CACNA2D2: variants seen among roughly 807,000 people sequenced by gnomAD.
The protein encoded by CACNA2D2 is voltage-dependent calcium channel subunit alpha-2/delta-2.
In CACNA2D2, 48 loss-of-function variants were observed where a neutral mutation model predicts 166.4. That is an observed-to-expected ratio of 0.29 (90% confidence interval 0.23 to 0.37). CACNA2D2 has a LOEUF of 0.37. Ranked by LOEUF, CACNA2D2 falls within the 10% of genes least tolerant of loss-of-function variation. The probability of loss-of-function intolerance (pLI) is 1.00; values close to 1 mark genes in which losing one functional copy is unlikely to be tolerated. For missense variants in CACNA2D2, 1,122 were observed against 1,433.0 expected, an observed-to-expected ratio of 0.78 and a Z score of 3.50; for synonymous variants, 561 against 573.7, an observed-to-expected ratio of 0.98 and a Z score of 0.32.
intron 2 of CACNA2D2, among the ~76,000 whole-genome samples, chr3:50,457,067 T>C (rs1181281771): frequency 1.3e-5 from 2 of 152,182 alleles, no homozygotes; most frequent in African/African-American, 2.4e-5. Context: ...TTGGCTAACA[T>C]GGTGAAACCC....
chr3:50,463,116 C>T (rs542301297), intron 2 of CACNA2D2, among the ~76,000 whole-genome samples: 1 of 152,254 alleles, frequency 6.6e-6, no homozygotes, highest in East Asian at 1.9e-4. Flanking sequence ...GGTACACAGA[C>T]CAGGCTCCTT....
At chr3:50,445,575 A>G (rs561121530) in intron 2 of CACNA2D2, among the ~76,000 whole-genome samples, 1 of 152,308 alleles carries the variant, frequency 6.6e-6, no homozygotes, top group South Asian at 2.1e-4. Context: ...CTTCTGTAGA[A>G]CAAGTCGGAA....
chr3:50,466,741 AC>A (rs1482281618), intron 2 of CACNA2D2, among the ~76,000 whole-genome samples: 1 of 152,034 alleles, frequency 6.6e-6, no homozygotes, highest in African/African-American at 2.4e-5. Flanking sequence ...TCCCAGTCTG[AC>A]CGCCTGCACT....
At chr3:50,455,699 G>A (rs528292376) in intron 2 of CACNA2D2, among the ~76,000 whole-genome samples, 1 of 152,130 alleles carries the variant, frequency 6.6e-6, no homozygotes, top group African/African-American at 2.4e-5. Context: ...GCCCCCAGAT[G>A]GTGACACCCC....
At chr3:50,472,399 AG>A (rs1489927115) in intron 2 of CACNA2D2, among the ~76,000 whole-genome samples, 1 of 152,118 alleles carries the variant, frequency 6.6e-6, no homozygotes, top group African/African-American at 2.4e-5. Flanking sequence ...GCCTTCCCAG[AG>A]GGTAGCCTGT....
intron 1 of CACNA2D2, among the ~76,000 whole-genome samples, chr3:50,499,427 G>A (rs1698862075): frequency 6.6e-6 from 1 of 152,196 alleles, no homozygotes; most frequent in Non-Finnish European, 1.5e-5. Flanking sequence ...AGCCCTCCCT[G>A]CCCACTAGAG....
At chr3:50,478,947 T>C (rs150713763) in intron 1 of CACNA2D2, among the ~76,000 whole-genome samples, 1 of 152,232 alleles carries the variant, frequency 6.6e-6, no homozygotes, top group Non-Finnish European at 1.5e-5. Context: ...TCTTCTAGTA[T>C]GTCTATAGGT....
intron 2 of CACNA2D2, 29 bp downstream of exon 2, chr3:50,476,089 G>A: frequency 2.6e-6 from 4 of 1,552,704 alleles, no homozygotes; most frequent in Non-Finnish European, 3.5e-6. Context: ...GAGGGTCCCT[G>A]AAGAGACAGC....
At position 50,375,952 on chromosome 3, in the gene CACNA2D2, C is replaced by T; in HGVS notation, c.1773+11G>A. On this transcript the variant is annotated intron_variant, in intron 19 of 37. Coordinates refer to ENST00000424201, the MANE Select transcript of CACNA2D2 (RefSeq NM_006030.4). The surrounding 1 kb of genome is among the most constrained non-coding windows in gnomAD (Gnocchi z 4.0). ...CTCTGTCCCCCACCCCTGTTCTCCT[C>T]CTCTCCTTACCTCTTCCTTGTTCTC... 6.2e-7 allele frequency: 1 copy of T among 1,613,210 alleles called. No individual in the cohort carries two copies.
intron 1 of CACNA2D2, among the ~76,000 whole-genome samples, chr3:50,484,626 C>T (rs573073875): frequency 5.9e-5 from 9 of 152,328 alleles, no homozygotes; most frequent in South Asian, 2.1e-4. Context: ...TCACCTGCTC[C>T]GTGAAGACCT....
At position 50,379,349 on chromosome 3, in the gene CACNA2D2, GCCAT is replaced by G. The variant is rs1705175744; in HGVS notation, c.1152+79_1152+82del. On this transcript the variant is annotated intron_variant, in intron 11 of 37. Coordinates refer to ENST00000424201, the MANE Select transcript of CACNA2D2 (RefSeq NM_006030.4). The surrounding 1 kb of genome is among the most constrained non-coding windows in gnomAD (Gnocchi z 6.5). ...AAGCTGCCTGTTTGGTGCTAACGAG[GCCAT>G]CCGTCTTGATTTCCTGGGTACACCA... 1.9e-6 allele frequency: 3 copies of G among 1,540,176 alleles called. No homozygotes were observed. The highest frequency in any genetic ancestry group is 1.8e-5 in the Admixed American group (1 of 56,468).
At chr3:50,491,048 G>A (rs899210771) in intron 1 of CACNA2D2, among the ~76,000 whole-genome samples, 4 of 152,206 alleles carry the variant, frequency 2.6e-5, no homozygotes, top group East Asian at 3.9e-4. Context: ...AGTGCTTGCA[G>A]GTGCTTGTTA....
At chr3:50,381,479 C>CT (rs1424801797) in intron 6 of CACNA2D2, among the ~76,000 whole-genome samples, 4 of 152,128 alleles carry the variant, frequency 2.6e-5, no homozygotes, top group Non-Finnish European at 1.5e-5. Flanking sequence ...GGAGCTAGCA[C>CT]TGGTCCCCCA....
intron 6 of CACNA2D2, among the ~76,000 whole-genome samples, chr3:50,382,197 G>A (rs1056979238): frequency 3.9e-5 from 6 of 152,052 alleles, no homozygotes; most frequent in Non-Finnish European, 5.9e-5. Flanking sequence ...AGGACAAAAC[G>A]GCAGGAGTGG....
intron 2 of CACNA2D2, among the ~76,000 whole-genome samples, chr3:50,471,963 G>A (rs1019224037): frequency 3.9e-5 from 6 of 152,232 alleles, no homozygotes; most frequent in East Asian, 1.9e-4. Context: ...CACAGACACC[G>A]TTGATCTGAA....
rs1249360884 is a variant in CACNA2D2 at position 50,373,625 on chromosome 3, G to T, written c.1984+1112C>A. Among the ~76,000 whole-genome samples, 11 of 114,358 alleles carry T rather than the reference G, an allele frequency of 9.6e-5. 1 individual carries two copies. The highest frequency in any genetic ancestry group is 4.4e-3 in the Middle Eastern group (1 of 228). 75.0% of individuals were successfully genotyped at this position (114,358 alleles called of 152,430 possible). A position where few individuals can be genotyped will look rare whatever the true frequency, so the allele number is the denominator to read the frequency against. The stretch of plus-strand genomic sequence containing the variant: ...GTGGGGAGTGGGACTGAAGGGGGGG[G>T]GGTGCTGGGGTGGGGAGAGCGGGAG... On this transcript the variant is annotated intron_variant, in intron 22 of 37. Coordinates refer to ENST00000424201, the MANE Select transcript of CACNA2D2 (RefSeq NM_006030.4).
intron 2 of CACNA2D2, among the ~76,000 whole-genome samples, chr3:50,459,451 T>C (rs2106999822): frequency 6.6e-6 from 1 of 152,234 alleles, no homozygotes; most frequent in African/African-American, 2.4e-5. Context: ...ACCTGACTCG[T>C]GGTGGGGATG....
At chr3:50,408,905 G>A (rs957245605) in intron 3 of CACNA2D2, among the ~76,000 whole-genome samples, 1 of 152,200 alleles carries the variant, frequency 6.6e-6, no homozygotes, top group African/African-American at 2.4e-5. Context: ...TTGGGGCATC[G>A]TTGCCGCCTC....
At chr3:50,500,994 AT>A (rs1698940119) in intron 1 of CACNA2D2, among the ~76,000 whole-genome samples, 1 of 152,156 alleles carries the variant, frequency 6.6e-6, no homozygotes, top group Non-Finnish European at 1.5e-5. Context: ...TGACTTGCTC[AT>A]CAGGGGCCTT....
Sources: gnomAD v4.1 joint callset for allele counts (sites outside exome capture counted in the v4.1 genomes callset) on GRCh38, gnomAD v4.1.1 for gene constraint, Gnocchi (gnomAD v3.1) non-coding constraint, MANE v1.5 for transcripts, NCBI Gene and HGNC (gene_info 2026-07-23, HGNC 2026-07-21) for gene names.